Variants in KIF6 observed in about 807,000 individuals in gnomAD.
KIF6 encodes the protein kinesin family member 6, also known as kinesin-like protein KIF6.
Under a neutral mutation model 112.7 loss-of-function variants are expected in KIF6, and 106 were observed. The ratio of observed to expected loss-of-function variants is 0.94; its 90% confidence interval spans 0.80 to 1.11. The LOEUF (loss-of-function observed/expected upper bound fraction) is 1.11, where lower values mean the gene tolerates loss of function less well. KIF6 is among the 50% of genes least tolerant of loss of function. The pLI is 0.00. For missense variants in KIF6, 929 were observed against 964.0 expected (o/e 0.96, Z 0.48); for synonymous variants, 339 against 339.9 (o/e 1.00, Z 0.03).
At chr6:39,356,457 G>A in intron 19 of KIF6, among the ~76,000 whole-genome samples, 1 of 152,156 alleles carries the variant, frequency 6.6e-6, no homozygotes, top group East Asian at 1.9e-4. Flanking sequence ...GTAGAGACAG[G>A]CTTCCCCATG....
chr6:39,465,415 C>T (rs1011121714), intron 13 of KIF6, among the ~76,000 whole-genome samples: 3 of 152,168 alleles, frequency 2.0e-5, no homozygotes, highest in African/African-American at 7.2e-5. Flanking sequence ...GGACTCCTCC[C>T]TTCTCTTCAC....
chr6:39,599,221 A>C (rs1782448802), intron 6 of KIF6, among the ~76,000 whole-genome samples: 1 of 152,222 alleles, frequency 6.6e-6, no homozygotes, highest in Non-Finnish European at 1.5e-5. Context: ...CCTCTCAACA[A>C]AAAAACTAAA....
chr6:39,398,880 C>T (rs1323746329), intron 15 of KIF6, among the ~76,000 whole-genome samples: 2 of 152,162 alleles, frequency 1.3e-5, no homozygotes, highest in Non-Finnish European at 2.9e-5. Flanking sequence ...AAACACTAGT[C>T]TAGAGGTTGC....
intron 3 of KIF6, among the ~76,000 whole-genome samples, chr6:39,648,997 CAAA>C (rs11457388): frequency 1.6e-5 from 2 of 126,256 alleles, no homozygotes; most frequent in Non-Finnish European, 1.7e-5. Flanking sequence ...CTGTCTCTGC[CAAA>C]AAAAAAAAAA....
intron 13 of KIF6, among the ~76,000 whole-genome samples, chr6:39,442,889 G>A (rs111748036): frequency 0.013 from 1,920 of 152,030 alleles, 51 homozygotes; most frequent in African/African-American, 0.044. Flanking sequence ...TGAGGTGGGC[G>A]GATCATGAGG....
chr6:39,618,909 G>T (rs1398007676), intron 5 of KIF6, among the ~76,000 whole-genome samples: 1 of 152,128 alleles, frequency 6.6e-6, no homozygotes, highest in Non-Finnish European at 1.5e-5. Flanking sequence ...CCTTTCATCT[G>T]TTGATTTATG....
intron 13 of KIF6, among the ~76,000 whole-genome samples, chr6:39,463,464 T>C (rs1562239632): frequency 6.6e-6 from 1 of 152,250 alleles, no homozygotes; most frequent in Non-Finnish European, 1.5e-5. Context: ...GAATAATCTC[T>C]AATCTGACTA....
At chr6:39,411,241 A>G (rs1322947474) in intron 15 of KIF6, among the ~76,000 whole-genome samples, 1 of 152,214 alleles carries the variant, frequency 6.6e-6, no homozygotes, top group Non-Finnish European at 1.5e-5. Flanking sequence ...AGAGGCGCTG[A>G]GGGAGGCCTG....
chr6:39,525,850 G>T (rs1477539583), intron 13 of KIF6, among the ~76,000 whole-genome samples: 1 of 146,600 alleles, frequency 6.8e-6, no homozygotes, highest in African/African-American at 2.5e-5. Flanking sequence ...AATAAATAAA[G>T]CCTTTTTCCC....
At chr6:39,559,261 T>G (rs1779888367) in intron 10 of KIF6, among the ~76,000 whole-genome samples, 2 of 152,244 alleles carry the variant, frequency 1.3e-5, no homozygotes, top group Non-Finnish European at 1.5e-5. Context: ...GGATATGAAT[T>G]CAGGACTAAG....
chr6:39,722,220 A>C lies in KIF6; in HGVS notation c.67-1409T>G, dbSNP rs186450602. 2.0e-5 allele frequency among the ~76,000 whole-genome samples: 3 copies of C among 152,250 alleles called. No individual in the cohort carries two copies. The East Asian group carries it at 5.8e-4, about 29-fold the overall frequency. The stretch of plus-strand genomic sequence containing the variant: ...AGACATGAAACATACAAGAGTGAGG[A>C]GTTACATCCATTTTTAAAAAGTCTA... On this transcript the variant is annotated intron_variant, in intron 1 of 22. Coordinates refer to ENST00000287152, the MANE Select transcript of KIF6 (RefSeq NM_145027.6).
At position 39,596,108 on chromosome 6, in the gene KIF6, G is replaced by GC; in HGVS notation, c.791dup (p.His265ProfsTer34). 6.2e-7 allele frequency: 1 copy of GC among 1,613,890 alleles called. No homozygotes were observed. Among genetic ancestry groups the GC allele is most frequent in the Non-Finnish European group, 8.5e-7 (1 of 1,179,924 alleles). The stretch of plus-strand genomic sequence containing the variant: ...TATACTTGGCCTCTGTTAGAAGATG[G>GC]CCCCCTACTCCAGTCTTTGCAACTC... On this transcript the variant is annotated frameshift_variant, in exon 7 of 23. Coordinates refer to ENST00000287152, the MANE Select transcript of KIF6 (RefSeq NM_145027.6). LOFTEE classifies it high-confidence loss of function.
intron 6 of KIF6, among the ~76,000 whole-genome samples, chr6:39,602,146 C>A (rs1331039907): frequency 6.6e-6 from 1 of 152,082 alleles, no homozygotes; most frequent in Non-Finnish European, 1.5e-5. Flanking sequence ...AGCTTACTGA[C>A]CATTATTTAA....
chr6:39,383,611 C>T (rs1767160079), intron 16 of KIF6, among the ~76,000 whole-genome samples: 1 of 152,110 alleles, frequency 6.6e-6, no homozygotes, highest in Non-Finnish European at 1.5e-5. Context: ...CAGCTTTGTT[C>T]TATTTGCTTA....
At chr6:39,399,424 G>A (rs542339326) in intron 15 of KIF6, among the ~76,000 whole-genome samples, 2 of 152,248 alleles carry the variant, frequency 1.3e-5, no homozygotes, top group South Asian at 2.1e-4. Flanking sequence ...CGGGTCCTGC[G>A]ACTAAAGAAC....
chr6:39,618,087 C>A (rs1385152379), intron 5 of KIF6, among the ~76,000 whole-genome samples: 2 of 152,168 alleles, frequency 1.3e-5, no homozygotes, highest in Non-Finnish European at 2.9e-5. Context: ...TTGATTACAA[C>A]TTTCTAAAAG....
intron 10 of KIF6, among the ~76,000 whole-genome samples, chr6:39,563,155 C>T (rs1235830278): frequency 1.3e-5 from 2 of 152,098 alleles, no homozygotes; most frequent in African/African-American, 2.4e-5. Context: ...GCAGAAGAAT[C>T]GCTTGAACCC....
intron 5 of KIF6, among the ~76,000 whole-genome samples, chr6:39,629,172 T>C (rs1218400436): frequency 6.6e-6 from 1 of 152,120 alleles, no homozygotes; most frequent in Non-Finnish European, 1.5e-5. Context: ...AGTTTTCAAC[T>C]CATTTCGGTA....
In KIF6 at chr6:39,540,329, T is replaced by A; in HGVS notation, c.1427-108A>T. The A allele has an allele frequency of 9.3e-6, 7 of 749,216 alleles. No individual in the cohort carries two copies. The South Asian group carries it at 1.3e-4, about 14-fold the overall frequency. The allele number at this position is 749,216 out of a possible 1,614,324, so 46.4% of individuals were successfully genotyped here. Reference sequence around the variant, plus strand: ...CTAACATTTGCTATTTATCATGTGGTAAAGACTGAAGGAAGGCTTCAACTT... The same window carrying A: ...CTAACATTTGCTATTTATCATGTGGAAAAGACTGAAGGAAGGCTTCAACTT... On this transcript the variant is annotated intron_variant, in intron 12 of 22. Coordinates refer to ENST00000287152, the MANE Select transcript of KIF6 (RefSeq NM_145027.6).
Sources: gnomAD v4.1 joint callset for allele counts (sites outside exome capture counted in the v4.1 genomes callset) on GRCh38, gnomAD v4.1.1 for gene constraint, MANE v1.5 for transcripts, NCBI Gene and HGNC (gene_info 2026-07-23, HGNC 2026-07-21) for gene names.